Variants in RBPMS observed in about 807,000 individuals in gnomAD.
The protein encoded by RBPMS is RNA-binding protein with multiple splicing.
A neutral mutation model predicts 26.8 loss-of-function variants in RBPMS; 7 were observed. The ratio of observed to expected loss-of-function variants is 0.26; its 90% confidence interval spans 0.15 to 0.49. The LOEUF is 0.49. Ranked by LOEUF, RBPMS falls within the 20% of genes least tolerant of loss-of-function variation. The pLI, the probability that RBPMS is intolerant of heterozygous loss-of-function variation, is 0.98. For missense variants in RBPMS, 186 were observed against 250.0 expected, an observed-to-expected ratio of 0.74 and a Z score of 1.73; for synonymous variants, 96 against 93.3, an observed-to-expected ratio of 1.03 and a Z score of -0.17.
At position 30,570,825 on chromosome 8, in the gene RBPMS, T is replaced by C. The variant is rs1017193298; in HGVS notation, c.*300T>C. ...GAAATTTCTGTACAGTTTGGAGATA[T>C]TTTCAAACGAAACGTAAGAGAAGTC... is the stretch of plus-strand genomic sequence containing the variant. On this transcript the variant is annotated 3_prime_UTR_variant, in exon 9 of 9. Transcript: ENST00000397323. The C allele has an allele frequency of 2.6e-5, 4 of 152,496 alleles. No individual in the cohort carries two copies. The highest frequency in any genetic ancestry group is 5.9e-5 in the Non-Finnish European group (4 of 68,038). 9.4% of individuals were successfully genotyped at this position (152,496 alleles called of 1,614,324 possible). A position where few individuals can be genotyped will look rare whatever the true frequency, so the allele number is the denominator to read the frequency against.
chr8:30,537,742 AAT>A, intron 5 of RBPMS: 1 of 430,346 alleles, frequency 2.3e-6, no homozygotes, highest in South Asian at 1.7e-5. Flanking sequence ...GGCTCCTGCT[AAT>A]GTCTCCCATG....
chr8:30,512,944 G>A (rs1821875081), intron 5 of RBPMS, among the ~76,000 whole-genome samples: 1 of 152,176 alleles, frequency 6.6e-6, no homozygotes, highest in Non-Finnish European at 1.5e-5. Flanking sequence ...GATATCACCC[G>A]AAATGCTACT....
chr8:30,492,036 C>T (rs565232516), intron 4 of RBPMS, among the ~76,000 whole-genome samples: 3 of 152,210 alleles, frequency 2.0e-5, no homozygotes, highest in South Asian at 2.1e-4. Flanking sequence ...GGATTACAGG[C>T]GTGCAGCACC....
At chr8:30,445,649 G>GCTATATATATATATATATATATATAT in intron 1 of RBPMS, among the ~76,000 whole-genome samples, 1 of 107,368 alleles carries the variant, frequency 9.3e-6, no homozygotes. Context: ...TATACACACG[G>GCTATATATATATATATATATATATAT]ATATATATAT....
At chr8:30,560,754 C>T (rs1184084335) in intron 7 of RBPMS, among the ~76,000 whole-genome samples, 3 of 152,126 alleles carry the variant, frequency 2.0e-5, no homozygotes, top group African/African-American at 4.8e-5. Context: ...CTCTGGTACA[C>T]GGTGTTCCTC....
At chr8:30,420,458 C>A (rs1009034846) in intron 1 of RBPMS, among the ~76,000 whole-genome samples, 1 of 151,976 alleles carries the variant, frequency 6.6e-6, no homozygotes. Context: ...CTTTCCACAC[C>A]GGATATCAAA....
chr8:30,414,747 G>C (rs893297921), intron 1 of RBPMS, among the ~76,000 whole-genome samples: 35 of 151,942 alleles, frequency 2.3e-4, no homozygotes, highest in Non-Finnish European at 4.6e-4. Context: ...GAGGATCCTG[G>C]GAAAATAAAG....
At chr8:30,531,658 A>G (rs1398615510) in intron 5 of RBPMS, among the ~76,000 whole-genome samples, 1 of 152,206 alleles carries the variant, frequency 6.6e-6, no homozygotes, top group Non-Finnish European at 1.5e-5. Context: ...AGTTATTTAC[A>G]TTAGCATTTG....
At chr8:30,547,654 T>C in intron 6 of RBPMS, 1 of 482,598 alleles carries the variant, frequency 2.1e-6, no homozygotes, top group Non-Finnish European at 3.4e-6. Context: ...CAGAACGAGC[T>C]TCCTGGAGAG....
intron 5 of RBPMS, among the ~76,000 whole-genome samples, chr8:30,525,898 G>A (rs1045723302): frequency 6.6e-6 from 1 of 152,214 alleles, no homozygotes; most frequent in African/African-American, 2.4e-5. Flanking sequence ...ATTCTCCTCT[G>A]AATAGTTATA....
chr8:30,389,399 G>A (rs948981933), intron 1 of RBPMS, among the ~76,000 whole-genome samples: 1 of 152,226 alleles, frequency 6.6e-6, no homozygotes, highest in Non-Finnish European at 1.5e-5. Flanking sequence ...CTCTTCTGGA[G>A]ATGGTTTCAC....
At chr8:30,549,827 T>TC (rs1491219678) in intron 6 of RBPMS, among the ~76,000 whole-genome samples, 64 of 135,112 alleles carry the variant, frequency 4.7e-4, no homozygotes, top group African/African-American at 1.2e-3. Context: ...TCTCTCTCTC[T>TC]TTTCTTTCTT....
chr8:30,544,787 G>A, intron 6 of RBPMS, 163 bp downstream of exon 6: 1 of 1,580,734 alleles, frequency 6.3e-7, no homozygotes. Context: ...CTTCAGGACT[G>A]ACGAGGATCG....
chr8:30,414,190 C>T lies in RBPMS; in HGVS notation c.66+29032C>T, dbSNP rs377308712. Among the ~76,000 whole-genome samples, 4 of 145,570 alleles carry T rather than the reference C, an allele frequency of 2.7e-5. No individual in the cohort carries two copies. The East Asian group carries it at 6.6e-4, about 24-fold the overall frequency. On this transcript the variant is annotated intron_variant, in intron 1 of 8. Transcript: ENST00000397323. ...CTGTCTATGCTGGCTCAGTGGCTGT[C>T]GCCATTTTTATTAATGATACACTTC... is the stretch of plus-strand genomic sequence containing the variant.
At chr8:30,557,121 A>G (rs1335480791) in intron 6 of RBPMS, among the ~76,000 whole-genome samples, 1 of 152,184 alleles carries the variant, frequency 6.6e-6, no homozygotes, top group South Asian at 2.1e-4. Flanking sequence ...CTAGCTGGTC[A>G]TCTGATCGCT....
At chr8:30,503,384 T>C (rs899837786) in intron 4 of RBPMS, among the ~76,000 whole-genome samples, 1 of 151,790 alleles carries the variant, frequency 6.6e-6, no homozygotes, top group Non-Finnish European at 1.5e-5. Context: ...AGTAACTAAC[T>C]GGGATTACAG....
chr8:30,515,719 C>A (rs778919066), intron 5 of RBPMS, among the ~76,000 whole-genome samples: 5 of 151,984 alleles, frequency 3.3e-5, no homozygotes, highest in Admixed American at 6.6e-5. Context: ...GCAGTGATGC[C>A]ATCACAGCTC....
At chr8:30,559,331 A>G (rs1407112243) in intron 7 of RBPMS, among the ~76,000 whole-genome samples, 1 of 152,274 alleles carries the variant, frequency 6.6e-6, no homozygotes, top group African/African-American at 2.4e-5. Context: ...CCACTAATTT[A>G]CACAGTAGTT....
At chr8:30,532,534 G>T (rs933983421) in intron 5 of RBPMS, among the ~76,000 whole-genome samples, 2 of 152,070 alleles carry the variant, frequency 1.3e-5, no homozygotes, top group Admixed American at 6.6e-5. Context: ...GCAGAGATTA[G>T]GTAAGTTATC....
Sources: allele counts gnomAD v4.1 joint callset (sites outside exome capture counted in the v4.1 genomes callset), GRCh38; gene constraint gnomAD v4.1.1; transcripts MANE v1.5; gene names NCBI Gene and HGNC (gene_info 2026-07-23, HGNC 2026-07-21).